Variants in ATP9B observed in about 807,000 individuals in gnomAD.
ATP9B encodes probable phospholipid-transporting ATPase IIB.
A neutral mutation model predicts 146.1 loss-of-function variants in ATP9B; 110 were observed. The observed-to-expected ratio is 0.75, with a 90% CI of 0.65 to 0.88. The LOEUF (loss-of-function observed/expected upper bound fraction) is 0.88. Among genes scored for constraint, ATP9B ranks in the 40% least tolerant of loss-of-function variants. The probability of loss-of-function intolerance (pLI) is 0.00; values close to 1 mark genes in which losing one functional copy is unlikely to be tolerated. For missense variants in ATP9B, 1,499 were observed against 1,496.4 expected, an observed-to-expected ratio of 1.00 and a Z score of -0.03; for synonymous variants, 604 against 569.7, an observed-to-expected ratio of 1.06 and a Z score of -0.86.
chr18:79,183,790 G>GT (rs1301055848), intron 8 of ATP9B, among the ~76,000 whole-genome samples: 1 of 95,348 alleles, frequency 1.0e-5, no homozygotes, highest in Non-Finnish European at 1.9e-5. Flanking sequence ...TTAGTTTAAA[G>GT]TTAAAAAAAA....
chr18:79,176,850 A>C lies in ATP9B; in HGVS notation c.816A>C (p.Glu272Asp). The change falls in exon 8 of 30, where the codon GAA (glutamate) becomes GAC (aspartate). Residue 272 changes from glutamate (E) to aspartate (D), a missense_variant. Transcript: ENST00000426216. ...CFIRTDQLDG[E>D]TDWKLKVAVS... ...TTCGAACTGATCAACTAGATGGTGA[A>C]ACTGACTGGAAGCTGAAGGTGGCAG... The C allele has an allele frequency of 6.2e-7, 1 of 1,614,202 alleles. No homozygotes were observed. Among genetic ancestry groups the C allele is most frequent in the Non-Finnish European group, 8.5e-7 (1 of 1,180,020 alleles).
At chr18:79,095,432 T>A (rs2074705577) in intron 1 of ATP9B, among the ~76,000 whole-genome samples, 1 of 152,218 alleles carries the variant, frequency 6.6e-6, no homozygotes, top group African/African-American at 2.4e-5. Flanking sequence ...GCTGCCTGGC[T>A]GTGATCCAGA....
chr18:79,217,870 C>A (rs1007170953), intron 11 of ATP9B, among the ~76,000 whole-genome samples: 3 of 152,198 alleles, frequency 2.0e-5, no homozygotes, highest in African/African-American at 7.2e-5. Context: ...CTCATCTCAT[C>A]CTTTACCTGA....
intron 11 of ATP9B, among the ~76,000 whole-genome samples, chr18:79,220,408 C>T (rs1158151902): frequency 1.3e-5 from 2 of 152,104 alleles, no homozygotes; most frequent in African/African-American, 4.8e-5. Context: ...CGAGACCAGC[C>T]TGGGCAACAT....
At chr18:79,266,171 C>G (rs931263570) in intron 12 of ATP9B, among the ~76,000 whole-genome samples, 5 of 152,026 alleles carry the variant, frequency 3.3e-5, no homozygotes, top group Non-Finnish European at 5.9e-5. Flanking sequence ...TAGGTCTTCT[C>G]TAAAATAAGT....
chr18:79,336,799 AG>A (rs2096829588), intron 18 of ATP9B, 88 bp downstream of exon 18: 2 of 1,371,988 alleles, frequency 1.5e-6, no homozygotes, highest in Non-Finnish European at 2.0e-6. Context: ...ATGAAATTAG[AG>A]CTGGGATCGC....
chr18:79,189,683 T>C (rs2095344216), intron 8 of ATP9B, among the ~76,000 whole-genome samples: 1 of 152,260 alleles, frequency 6.6e-6, no homozygotes, highest in African/African-American at 2.4e-5. Context: ...TATTTTTTGA[T>C]AGCACAAGTT....
In ATP9B at chr18:79,377,517, A is replaced by G; in HGVS notation, c.*134A>G. 1 of 1,193,242 alleles carries G rather than the reference A, an allele frequency of 8.4e-7. No homozygotes were observed. Among genetic ancestry groups the G allele is most frequent in the Non-Finnish European group, 1.2e-6 (1 of 861,458 alleles). The allele number at this position is 1,193,242 out of a possible 1,614,324, so 73.9% of individuals were successfully genotyped here. ...CAAGAAAGGGAGGGTACGCCAGGCG[A>G]GCCCAGGGCACAGATGCTGAGACAG... On this transcript the variant is annotated 3_prime_UTR_variant, in exon 30 of 30. Coordinates refer to ENST00000426216, the MANE Select transcript of ATP9B (RefSeq NM_198531.5).
In ATP9B at chr18:79,153,054, A is replaced by G. The variant is rs557995049; in HGVS notation, c.727-1450A>G. Reference sequence around the variant, plus strand: ...CATCTTTTATTGGTTTCATGCTAATATTAGTTTTTTTCCCCTAGTGTTAGA... The same window carrying G: ...CATCTTTTATTGGTTTCATGCTAATGTTAGTTTTTTTCCCCTAGTGTTAGA... On this transcript the variant is annotated intron_variant, in intron 6 of 29. Coordinates refer to ENST00000426216, the MANE Select transcript of ATP9B (RefSeq NM_198531.5). 1.8e-4 allele frequency among the ~76,000 whole-genome samples: 28 copies of G among 152,314 alleles called. No individual in the cohort carries two copies. In the East Asian group the frequency reaches 5.2e-3, roughly 28 times the overall value.
chr18:79,126,325 A>G lies in ATP9B; in HGVS notation c.617A>G (p.Gln206Arg). Reference sequence around the variant, plus strand: ...GCAATTGATGAATTTCGGCGTTTTCAGCGTGACAAGGAAGTGAATTCACAA... The same window carrying G: ...GCAATTGATGAATTTCGGCGTTTTCGGCGTGACAAGGAAGTGAATTCACAA... The part of the protein sequence containing the change: ...REAIDEFRRF[Q>R]RDKEVNSQLY... The change falls in exon 5 of 30, where the codon CAG becomes CGG. Residue 206 changes from glutamine (Q) to arginine (R), a missense_variant. Gln to Arg is a conservative substitution (Grantham distance 43). Coordinates refer to ENST00000426216, the MANE Select transcript of ATP9B (RefSeq NM_198531.5). 1.9e-6 allele frequency: 3 copies of G among 1,612,148 alleles called. No homozygotes were observed. Among genetic ancestry groups the G allele is most frequent in the Non-Finnish European group, 1.7e-6 (2 of 1,178,644 alleles).
chr18:79,368,044 T>G (rs114122806), intron 26 of ATP9B, among the ~76,000 whole-genome samples: 2 of 152,096 alleles, frequency 1.3e-5, no homozygotes, highest in Admixed American at 1.3e-4. Context: ...TGTGTCTCCA[T>G]GGAGTGTCGC....
At chr18:79,291,401 A>G (rs986953169) in intron 13 of ATP9B, among the ~76,000 whole-genome samples, 4 of 152,210 alleles carry the variant, frequency 2.6e-5, no homozygotes, top group South Asian at 2.1e-4. Context: ...CATGGAGAGC[A>G]TTTGAGGTAA....
In ATP9B at chr18:79,145,355, A is replaced by G. The variant is rs1487113298; in HGVS notation, c.726+1495A>G. Reference sequence around the variant, plus strand: ...CAGAGTGACTGAAGGTGCAGGCTGCATGTCGGGGGAGCTGGCGGTGTGCAG... The same window carrying G: ...CAGAGTGACTGAAGGTGCAGGCTGCGTGTCGGGGGAGCTGGCGGTGTGCAG... On this transcript the variant is annotated intron_variant, in intron 6 of 29. Transcript: ENST00000426216. 4 of 110,346 alleles carry G rather than the reference A, an allele frequency of 3.6e-5. No homozygotes were observed. The East Asian group carries it at 9.9e-4, about 27-fold the overall frequency. 6.8% of individuals were successfully genotyped at this position (110,346 alleles called of 1,614,324 possible). A position where few individuals can be genotyped will look rare whatever the true frequency, so the allele number is the denominator to read the frequency against.
At chr18:79,340,178 T>C (rs1211156471) in intron 19 of ATP9B, 5 of 152,240 alleles carry the variant, frequency 3.3e-5, no homozygotes, top group African/African-American at 4.8e-5. Context: ...CTACTTTATA[T>C]GTGCTAGATT....
At chr18:79,318,475 A>T (rs1178825871) in intron 15 of ATP9B, among the ~76,000 whole-genome samples, 1 of 152,202 alleles carries the variant, frequency 6.6e-6, no homozygotes, top group African/African-American at 2.4e-5. Context: ...ACTTCTCAAA[A>T]CTGTGGAGGT....
At position 79,239,461 on chromosome 18, in the gene ATP9B, C is replaced by T. The variant is rs761235573; in HGVS notation, c.1108-13920C>T. Among the ~76,000 whole-genome samples, 1 of 152,158 alleles carries T rather than the reference C, an allele frequency of 6.6e-6. No individual in the cohort carries two copies. The highest frequency in any genetic ancestry group is 6.5e-5 in the Admixed American group (1 of 15,284). On this transcript the variant is annotated intron_variant, in intron 11 of 29. Coordinates refer to ENST00000426216, the MANE Select transcript of ATP9B (RefSeq NM_198531.5). The surrounding 1 kb of genome is among the most constrained non-coding windows in gnomAD (Gnocchi z 5.1). ...CCAGAGTGGGTTGTGGTATGAGCACCGCCAGCCAAGTCTGCTGTGGCAGGG... is the reference window on the plus strand; with the variant it reads ...CCAGAGTGGGTTGTGGTATGAGCACTGCCAGCCAAGTCTGCTGTGGCAGGG...
chr18:79,226,218 G>A (rs927076424), intron 11 of ATP9B, among the ~76,000 whole-genome samples: 7 of 152,312 alleles, frequency 4.6e-5, no homozygotes, highest in African/African-American at 9.6e-5. Context: ...GATATGGTTC[G>A]TTCTTTGGCT....
At chr18:79,246,790 T>TGACTCTGAGACAGAC (rs2095971392) in intron 11 of ATP9B, among the ~76,000 whole-genome samples, 1 of 152,202 alleles carries the variant, frequency 6.6e-6, no homozygotes, top group Non-Finnish European at 1.5e-5. Flanking sequence ...CTGAGACAGA[T>TGACTCTGAGACAGAC]GACTCTGAGA....
intron 8 of ATP9B, among the ~76,000 whole-genome samples, chr18:79,181,642 C>G (rs1044923624): frequency 6.6e-6 from 1 of 151,918 alleles, no homozygotes; most frequent in African/African-American, 2.4e-5. Context: ...GTATCTGTTG[C>G]TCTGTCATTA....
Sources: gnomAD v4.1 joint callset for allele counts (sites outside exome capture counted in the v4.1 genomes callset) on GRCh38, gnomAD v4.1.1 for gene constraint, Gnocchi (gnomAD v3.1) non-coding constraint, MANE v1.5 for transcripts, NCBI Gene and HGNC (gene_info 2026-07-23, HGNC 2026-07-21) for gene names.